PRP4K: variants seen among roughly 807,000 people sequenced by gnomAD.
PRP4K encodes serine/threonine-protein kinase PRP4 homolog.
At chr6:4,047,685 T>C in the PRP4K span, among the ~76,000 whole-genome samples, 1 of 152,198 alleles carries the variant, frequency 6.6e-6, no homozygotes, top group East Asian at 1.9e-4. Flanking sequence ...AAGGAGTAGA[T>C]TAAGAAATTT....
the PRP4K span, among the ~76,000 whole-genome samples, chr6:4,043,308 A>T: frequency 1.3e-5 from 2 of 152,232 alleles, no homozygotes; most frequent in Non-Finnish European, 2.9e-5. Context: ...TGTAGTTAAT[A>T]AACTGATATC....
the PRP4K span, among the ~76,000 whole-genome samples, chr6:4,047,873 TGTG>T: frequency 1.3e-4 from 19 of 148,200 alleles, no homozygotes; most frequent in East Asian, 3.4e-3. Context: ...AAAATAAAAA[TGTG>T]GTAAGATAAA....
the PRP4K span, among the ~76,000 whole-genome samples, chr6:4,035,284 ATTTTTTTTTTTTT>A: frequency 7.3e-4 from 43 of 58,804 alleles, no homozygotes; most frequent in South Asian, 1.1e-3. Context: ...CGCCCGGCTA[ATTTTTTTTTTTTT>A]TTTTTTTTTT....
chr6:4,040,821 C>T, the PRP4K span: 2 of 1,613,760 alleles, frequency 1.2e-6, no homozygotes, highest in East Asian at 2.2e-5. Flanking sequence ...GTCTCGATCA[C>T]GCGGTGGTCG....
At chr6:4,061,324 T>C in the PRP4K span, 1 of 152,788 alleles carries the variant, frequency 6.5e-6, no homozygotes, top group Non-Finnish European at 1.5e-5. Flanking sequence ...TCATCACATT[T>C]AAAATTGGAA....
At chr6:4,029,338 A>G in the PRP4K span, among the ~76,000 whole-genome samples, 4 of 100,478 alleles carry the variant, frequency 4.0e-5, no homozygotes, top group African/African-American at 1.1e-4. Flanking sequence ...GGTGTTACTC[A>G]ATTTTTTTTT....
chr6:4,051,592 C>T, the PRP4K span, among the ~76,000 whole-genome samples: 8 of 152,206 alleles, frequency 5.3e-5, no homozygotes, highest in African/African-American at 1.9e-4. Flanking sequence ...TCTGGGATTA[C>T]AGGCATGAGC....
chr6:4,044,616 C>G, the PRP4K span, among the ~76,000 whole-genome samples: 3 of 152,064 alleles, frequency 2.0e-5, no homozygotes, highest in African/African-American at 7.2e-5. Flanking sequence ...GTCTCTCTAA[C>G]TGGGTTGGGG....
At chr6:4,052,122 T>C in the PRP4K span, 3 of 1,524,270 alleles carry the variant, frequency 2.0e-6, no homozygotes, top group South Asian at 1.3e-5. Context: ...GTGCATTAAA[T>C]TGCAAATTTA....
chr6:4,042,465 G>A, the PRP4K span: 1 of 1,550,258 alleles, frequency 6.5e-7, no homozygotes, highest in Non-Finnish European at 8.9e-7. Context: ...ATCTCTTAAG[G>A]GTGTTTGAAT....
At chr6:4,046,587 G>A in the PRP4K span, among the ~76,000 whole-genome samples, 1 of 152,062 alleles carries the variant, frequency 6.6e-6, no homozygotes, top group East Asian at 1.9e-4. Flanking sequence ...TTATTTTAAT[G>A]TGAAGTCATT....
the PRP4K span, chr6:4,056,888 A>G: frequency 7.7e-5 from 84 of 1,087,070 alleles, no homozygotes; most frequent in South Asian, 3.3e-5. Context: ...TTAGTGGGAA[A>G]GAACACAAAA....
At chr6:4,022,620 G>GGT in the PRP4K span, among the ~76,000 whole-genome samples, 3 of 152,016 alleles carry the variant, frequency 2.0e-5, no homozygotes, top group Admixed American at 6.5e-5. Flanking sequence ...ATCCAGTTTT[G>GGT]GGCTCCTCAA....
chr6:4,061,979 A>G, the PRP4K span: 1 of 152,600 alleles, frequency 6.6e-6, no homozygotes, highest in Non-Finnish European at 1.5e-5. Flanking sequence ...GTTAAAAGCA[A>G]CCTTTTGTTT....
chr6:4,046,531 C>G, the PRP4K span, among the ~76,000 whole-genome samples: 2 of 151,952 alleles, frequency 1.3e-5, no homozygotes, highest in Non-Finnish European at 2.9e-5. Context: ...GAAATATTAA[C>G]CTTTTGGGAT....
At chr6:4,056,481 A>G in the PRP4K span, 1 of 1,611,870 alleles carries the variant, frequency 6.2e-7, no homozygotes, top group Non-Finnish European at 8.5e-7. Flanking sequence ...TATGTGGTGG[A>G]AACCGCATAC....
the PRP4K span, chr6:4,052,017 T>C: frequency 6.2e-7 from 1 of 1,606,552 alleles, no homozygotes; most frequent in Non-Finnish European, 8.5e-7. Context: ...CTGATCCTGA[T>C]GACAAATTTC....
chr6:4,048,523 T>C, the PRP4K span, among the ~76,000 whole-genome samples: 2 of 152,172 alleles, frequency 1.3e-5, no homozygotes, highest in African/African-American at 4.8e-5. Context: ...GTATAACAGC[T>C]ATAGAAATTT....
chr6:4,025,549 A>G, the PRP4K span, among the ~76,000 whole-genome samples: 1 of 152,174 alleles, frequency 6.6e-6, no homozygotes, highest in Non-Finnish European at 1.5e-5. Context: ...AGCTGGTAGC[A>G]TTTTTAGCAG....
Sources: gnomAD v4.1 joint callset for allele counts (sites outside exome capture counted in the v4.1 genomes callset) on GRCh38, gnomAD v4.1.1 for gene constraint, MANE v1.5 for transcripts, NCBI Gene and HGNC (gene_info 2026-07-23, HGNC 2026-07-21) for gene names.